The following GALNTL6 variants were observed in gnomAD, a reference collection of about 807,000 sequenced individuals.
The protein encoded by GALNTL6 is polypeptide N-acetylgalactosaminyltransferase-like 6.
GALNTL6 carries 46 observed loss-of-function variants against 73.7 expected under a neutral mutation model. That is an observed-to-expected ratio of 0.62 (90% CI 0.49 to 0.80). The LOEUF (loss-of-function observed/expected upper bound fraction) is 0.80, where lower values mean the gene tolerates loss of function less well. GALNTL6 is among the 30% of genes least tolerant of loss of function. The probability of loss-of-function intolerance (pLI) is 0.00; values close to 1 mark genes in which losing one functional copy is unlikely to be tolerated. For missense variants in GALNTL6, 604 were observed against 755.0 expected (o/e 0.80, Z 2.34); for synonymous variants, 259 against 263.7 (o/e 0.98, Z 0.17).
chr4:172,405,526 A>C (rs2111333267), intron 5 of GALNTL6, among the ~76,000 whole-genome samples: 1 of 148,904 alleles, frequency 6.7e-6, no homozygotes, highest in Non-Finnish European at 1.5e-5. Context: ...AAAACAAAGG[A>C]TCAGTAGCTA....
At chr4:172,561,690 C>T (rs1383224585) in intron 5 of GALNTL6, among the ~76,000 whole-genome samples, 2 of 152,138 alleles carry the variant, frequency 1.3e-5, no homozygotes, top group Non-Finnish European at 1.5e-5. Flanking sequence ...TTCTCAAACA[C>T]TTGCTGCATT....
rs372056291 is a variant in GALNTL6, at chr4:172,030,544, T to C, written c.139-199112T>C. ...TGACCAACATGGCAAAACCCGTCTC[T>C]ACCAAAAATACAAAAATTAGCCAGG... On this transcript the variant is annotated intron_variant, in intron 2 of 12. Coordinates refer to ENST00000506823, the MANE Select transcript of GALNTL6 (RefSeq NM_001034845.3). 7.2e-5 allele frequency among the ~76,000 whole-genome samples: 11 copies of C among 151,906 alleles called. No homozygotes were observed. The South Asian group carries it at 1.0e-3, about 14-fold the overall frequency.
chr4:172,801,029 A>G (rs1416562871), intron 5 of GALNTL6, among the ~76,000 whole-genome samples: 1 of 152,172 alleles, frequency 6.6e-6, no homozygotes, highest in East Asian at 1.9e-4. Context: ...TAAAATACTT[A>G]GGAAAAAATA....
intron 5 of GALNTL6, among the ~76,000 whole-genome samples, chr4:172,539,179 C>CT (rs1354351052): frequency 3.9e-5 from 6 of 152,198 alleles, no homozygotes; most frequent in Admixed American, 6.5e-5. Context: ...TCCTAGGGTA[C>CT]TTTTTTATCA....
intron 2 of GALNTL6, among the ~76,000 whole-genome samples, chr4:172,128,390 A>T (rs955432283): frequency 1.3e-5 from 2 of 152,160 alleles, no homozygotes; most frequent in Non-Finnish European, 2.9e-5. Flanking sequence ...CATATATATA[A>T]AAATTTAAAT....
chr4:172,991,286 G>A (rs1751524399), intron 10 of GALNTL6, among the ~76,000 whole-genome samples: 1 of 152,046 alleles, frequency 6.6e-6, no homozygotes, highest in African/African-American at 2.4e-5. Flanking sequence ...TGATTTAAAA[G>A]GCAAAATATA....
chr4:172,732,298 T>C (rs948867590), intron 5 of GALNTL6, among the ~76,000 whole-genome samples: 4 of 152,188 alleles, frequency 2.6e-5, no homozygotes, highest in African/African-American at 7.2e-5. Flanking sequence ...ATCTTCCTTG[T>C]CTTTTTTCAC....
intron 4 of GALNTL6, among the ~76,000 whole-genome samples, chr4:172,343,095 A>G (rs1741627265): frequency 6.6e-6 from 1 of 152,232 alleles, no homozygotes; most frequent in Non-Finnish European, 1.5e-5. Context: ...GGGGGTGGTC[A>G]TTACCACCAT....
intron 2 of GALNTL6, among the ~76,000 whole-genome samples, chr4:171,912,519 A>G (rs977319636): frequency 5.9e-5 from 9 of 152,200 alleles, no homozygotes; most frequent in African/African-American, 2.2e-4. Flanking sequence ...TGGGATATGC[A>G]TCACCACAAA....
At chr4:172,053,883 CAAAT>C (rs1249979206) in intron 2 of GALNTL6, among the ~76,000 whole-genome samples, 1 of 151,754 alleles carries the variant, frequency 6.6e-6, no homozygotes, top group African/African-American at 2.4e-5. Context: ...ATTTTTATAA[CAAAT>C]AAATAATATA....
At chr4:172,091,504 G>C (rs561851451) in intron 2 of GALNTL6, among the ~76,000 whole-genome samples, 1 of 152,096 alleles carries the variant, frequency 6.6e-6, no homozygotes, top group South Asian at 2.1e-4. Context: ...TACATTTAAG[G>C]TATCAGACCA....
intron 5 of GALNTL6, among the ~76,000 whole-genome samples, chr4:172,546,647 T>G (rs1306607985): frequency 6.6e-6 from 1 of 150,936 alleles, no homozygotes; most frequent in Non-Finnish European, 1.5e-5. Context: ...TCTTTTCCAT[T>G]TCCTTTACAC....
Position 172,274,966 on chromosome 4 carries a change from C to G in GALNTL6, c.248-36648C>G, listed in dbSNP as rs536067422. Among the ~76,000 whole-genome samples the G allele has an allele frequency of 2.6e-5, 4 of 152,210 alleles. No individual in the cohort carries two copies. In the South Asian group the frequency reaches 8.3e-4, roughly 32 times the overall value. On this transcript the variant is annotated intron_variant, in intron 3 of 12. Transcript: ENST00000506823. ...AAAAACCGTAGTAAAATTGAGATTA[C>G]CTGGGTGTCCTGTGGTATTTTTCCA...
intron 2 of GALNTL6, among the ~76,000 whole-genome samples, chr4:171,847,538 TTC>T (rs1385732563): frequency 6.6e-6 from 1 of 152,194 alleles, no homozygotes; most frequent in Non-Finnish European, 1.5e-5. Context: ...TAGCATGTGA[TTC>T]TGTTTGATAT....
intron 7 of GALNTL6, among the ~76,000 whole-genome samples, chr4:172,875,732 A>AACACACACACACAC (rs59079970): frequency 3.0e-4 from 44 of 145,826 alleles, no homozygotes; most frequent in African/African-American, 1.0e-3. Flanking sequence ...CTCATACATA[A>AACACACACACACAC]ACACACACAC....
chr4:172,813,464 A>T, intron 6 of GALNTL6, 76 bp from the exon 7 acceptor site: 1 of 1,253,438 alleles, frequency 8.0e-7, no homozygotes, highest in South Asian at 1.4e-5. Flanking sequence ...GGAGGACTGT[A>T]GGCTTCTCTT....
chr4:173,004,288 C>CT (rs1260573411), intron 10 of GALNTL6, among the ~76,000 whole-genome samples: 1 of 152,196 alleles, frequency 6.6e-6, no homozygotes, highest in East Asian at 1.9e-4. Flanking sequence ...ACCCTAGTGT[C>CT]TTCTGTCTTT....
intron 2 of GALNTL6, among the ~76,000 whole-genome samples, chr4:172,170,055 C>G (rs1237861267): frequency 6.6e-6 from 1 of 152,180 alleles, no homozygotes; most frequent in African/African-American, 2.4e-5. Context: ...AGGAAGTCAG[C>G]CTCCATCATC....
intron 5 of GALNTL6, among the ~76,000 whole-genome samples, chr4:172,630,075 A>G (rs980724436): frequency 6.6e-6 from 1 of 152,166 alleles, no homozygotes; most frequent in Non-Finnish European, 1.5e-5. Flanking sequence ...AATTTTTTTC[A>G]TCACTGAGAT....
Sources: allele counts gnomAD v4.1 joint callset (sites outside exome capture counted in the v4.1 genomes callset), GRCh38; gene constraint gnomAD v4.1.1; transcripts MANE v1.5; gene names NCBI Gene and HGNC (gene_info 2026-07-23, HGNC 2026-07-21).